Variants in PDE10A observed in about 807,000 individuals in gnomAD.
PDE10A encodes phosphodiesterase 10A, also known as cAMP and cAMP-inhibited cGMP 3',5'-cyclic phosphodiesterase 10A.
In PDE10A, 39 loss-of-function variants were observed where a neutral mutation model predicts 97.7. The ratio of observed to expected loss-of-function variants is 0.40; its 90% CI spans 0.31 to 0.52. The LOEUF (loss-of-function observed/expected upper bound fraction) is 0.52. Ranked by LOEUF, PDE10A falls within the 20% of genes least tolerant of loss-of-function variation. PDE10A has a pLI of 0.56. For missense variants in PDE10A, 731 were observed against 1,047.8 expected (o/e 0.70, Z 4.17); for synonymous variants, 371 against 376.8 (o/e 0.98, Z 0.18).
rs1554302065 is a variant in PDE10A at position 165,662,309 on chromosome 6, T to TGTC, written c.500_502dup (p.Gly167_Gln168insArg). 1 of 158,618 alleles carries TGTC rather than the reference T, an allele frequency of 6.3e-6. No homozygotes were observed. The highest frequency in any genetic ancestry group is 6.7e-5 in the Admixed American group (1 of 14,994). The allele number at this position is 158,618 out of a possible 1,614,324, so 9.8% of individuals were successfully genotyped here. ...GGGGACGCTCAAGGGAGCTGCCTCT[T>TGTC]GTCCTCCTCCTCCTCCTCCGCCAGC... On this transcript the variant is annotated inframe_insertion, in exon 1 of 22. Coordinates refer to ENST00000539869, the MANE Select transcript of PDE10A (RefSeq NM_001385079.1).
intron 1 of PDE10A, among the ~76,000 whole-genome samples, chr6:165,669,453 C>G (rs1034486188): frequency 6.6e-6 from 1 of 152,212 alleles, no homozygotes; most frequent in Non-Finnish European, 1.5e-5. Flanking sequence ...TCTCCTCCCC[C>G]ACTCCAGAGC....
intron 10 of PDE10A, among the ~76,000 whole-genome samples, chr6:165,421,673 G>A (rs1199541550): frequency 1.3e-5 from 2 of 152,128 alleles, no homozygotes; most frequent in African/African-American, 4.8e-5. Flanking sequence ...GAACATGTGA[G>A]GTATACATAT....
At chr6:165,788,518 C>CA (rs56927613) in intron 1 of PDE10A, among the ~76,000 whole-genome samples, 34,608 of 74,894 alleles carry the variant, frequency 0.46, 7,463 homozygotes, top group Middle Eastern at 0.51. Context: ...AACTCTGTCT[C>CA]AAAAAAAAAA....
At chr6:165,590,505 G>T (rs1786187963) in intron 1 of PDE10A, among the ~76,000 whole-genome samples, 1 of 152,154 alleles carries the variant, frequency 6.6e-6, no homozygotes, top group African/African-American at 2.4e-5. Flanking sequence ...AACACCTTTT[G>T]AGTGCTTATT....
intron 1 of PDE10A, among the ~76,000 whole-genome samples, chr6:165,594,131 C>T (rs1427754419): frequency 6.6e-6 from 1 of 152,114 alleles, no homozygotes; most frequent in African/African-American, 2.4e-5. Context: ...GAAGGAATAA[C>T]ATCCAAGTTG....
chr6:165,673,384 T>G (rs974402065), intron 1 of PDE10A, among the ~76,000 whole-genome samples: 1 of 152,232 alleles, frequency 6.6e-6, no homozygotes, highest in East Asian at 1.9e-4. Flanking sequence ...AGCATAGCCA[T>G]GCAAGATTTT....
rs1168177495 is a variant in PDE10A, at chr6:165,477,604, T to G, written c.1023+4711A>C. ...TTTCAAAAGTGCATTTGACACAATC[T>G]CACATTATTCTCATAGGTGACATTT... On this transcript the variant is annotated intron_variant, in intron 3 of 21. Coordinates refer to ENST00000539869, the MANE Select transcript of PDE10A (RefSeq NM_001385079.1). Among the ~76,000 whole-genome samples the G allele has an allele frequency of 2.0e-5, 3 of 152,196 alleles. No homozygotes were observed. In the East Asian group the frequency reaches 5.8e-4, roughly 29 times the overall value.
chr6:165,507,105 T>G (rs573990200), intron 2 of PDE10A, among the ~76,000 whole-genome samples: 1 of 152,270 alleles, frequency 6.6e-6, no homozygotes, highest in South Asian at 2.1e-4. Flanking sequence ...TTATTTCTGT[T>G]TCCCTACCCT....
intron 2 of PDE10A, among the ~76,000 whole-genome samples, chr6:165,541,657 C>T (rs1324499680): frequency 6.6e-6 from 1 of 152,206 alleles, no homozygotes; most frequent in Non-Finnish European, 1.5e-5. Context: ...AGCTCAGCCA[C>T]ACTTTTGAAA....
intron 1 of PDE10A, among the ~76,000 whole-genome samples, chr6:165,924,798 A>G (rs9459532): frequency 0.16 from 24,711 of 152,280 alleles, 2,165 homozygotes; most frequent in Non-Finnish European, 0.2. Context: ...GTAAAACATA[A>G]AAGTTATTAG....
chr6:165,641,015 G>A (rs1265814002), intron 1 of PDE10A, among the ~76,000 whole-genome samples: 1 of 152,128 alleles, frequency 6.6e-6, no homozygotes, highest in Non-Finnish European at 1.5e-5. Flanking sequence ...ACTTGGCCGT[G>A]GCCAGCCCTT....
At chr6:165,593,246 C>A (rs1786387520) in intron 1 of PDE10A, among the ~76,000 whole-genome samples, 1 of 152,020 alleles carries the variant, frequency 6.6e-6, no homozygotes, top group Non-Finnish European at 1.5e-5. Context: ...GGGAACTGAA[C>A]AATGAGAATG....
At chr6:165,983,987 C>T (rs1489649413) in intron 1 of PDE10A, among the ~76,000 whole-genome samples, 1 of 152,252 alleles carries the variant, frequency 6.6e-6, no homozygotes, top group Admixed American at 6.5e-5. Flanking sequence ...GTGCTCCCGC[C>T]ACTGCAGGCA....
intron 3 of PDE10A, among the ~76,000 whole-genome samples, chr6:165,470,476 C>T (rs1778924737): frequency 6.6e-6 from 1 of 152,170 alleles, no homozygotes; most frequent in Admixed American, 6.5e-5. Flanking sequence ...CTGAAAAAGA[C>T]TGATTGGTGC....
At chr6:165,342,284 C>T (rs1026017105) in intron 19 of PDE10A, among the ~76,000 whole-genome samples, 2 of 152,154 alleles carry the variant, frequency 1.3e-5, no homozygotes, top group African/African-American at 4.8e-5. Flanking sequence ...ATAAGTGGAT[C>T]CACACAGTTC....
intron 1 of PDE10A, among the ~76,000 whole-genome samples, chr6:165,934,391 G>A (rs553914755): frequency 6.6e-6 from 1 of 151,892 alleles, no homozygotes; most frequent in African/African-American, 2.4e-5. Flanking sequence ...TCATTGCCTT[G>A]AGTTTGAATC....
chr6:165,555,996 GCAGACGAACTGCATAGCCTACAAA>G (rs758130947), intron 1 of PDE10A, among the ~76,000 whole-genome samples: 173 of 152,264 alleles, frequency 1.1e-3, no homozygotes, highest in Non-Finnish European at 1.9e-3. Flanking sequence ...GAAAAAACTT[GCAGACGAACTGCATAGCCTACAAA>G]TACCGAAAAT....
intron 1 of PDE10A, among the ~76,000 whole-genome samples, chr6:165,764,817 G>C (rs561061613): frequency 6.6e-6 from 1 of 152,180 alleles, no homozygotes; most frequent in South Asian, 2.1e-4. Flanking sequence ...GAGTGTCGAA[G>C]GGGACCCGAG....
chr6:165,783,601 A>G (rs938451980), intron 1 of PDE10A, among the ~76,000 whole-genome samples: 2 of 137,258 alleles, frequency 1.5e-5, no homozygotes, highest in African/African-American at 5.4e-5. Context: ...GTCACATAGA[A>G]TGAAAACATC....
Sources: allele counts gnomAD v4.1 joint callset (sites outside exome capture counted in the v4.1 genomes callset), GRCh38; gene constraint gnomAD v4.1.1; transcripts MANE v1.5; gene names NCBI Gene and HGNC (gene_info 2026-07-23, HGNC 2026-07-21).